RSU1: variants seen among roughly 807,000 people sequenced by gnomAD.
RSU1 encodes the protein Ras suppressor protein 1, also known as rsu-1.
In RSU1, 26 loss-of-function variants were observed where a neutral mutation model predicts 31.1. That is an observed-to-expected ratio of 0.84 (90% CI 0.61 to 1.16). RSU1 has a LOEUF of 1.16. RSU1 is among the 50% of genes most tolerant of loss of function. The pLI is 0.00. For synonymous variants in RSU1, 164 were observed against 136.3 expected (o/e 1.20, Z -1.41); for missense variants, 320 against 339.1 (o/e 0.94, Z 0.44).
At chr10:16,660,645 CTTTTTT>C (rs796601054) in intron 8 of RSU1, among the ~76,000 whole-genome samples, 1 of 79,546 alleles carries the variant, frequency 1.3e-5, no homozygotes, top group Admixed American at 1.8e-4. Flanking sequence ...CTTGAACTCT[CTTTTTT>C]TTTTTTTTTT....
intron 8 of RSU1, among the ~76,000 whole-genome samples, chr10:16,595,810 A>AAAAAAAAAAAAAAAAAG (rs1201244921): frequency 2.6e-5 from 4 of 151,902 alleles, no homozygotes; most frequent in African/African-American, 7.3e-5. Context: ...CTACTAAAAA[A>AAAAAAAAAAAAAAAAAG]AAGAAAAAAT....
chr10:16,631,118 C>G lies in RSU1; in HGVS notation c.732-37622G>C, dbSNP rs936358047. On this transcript the variant is annotated intron_variant, in intron 8 of 8. Coordinates refer to ENST00000345264, the MANE Select transcript of RSU1 (RefSeq NM_012425.4). ...GTTCCAGGGTCCCTAAGGTTCCAATCGTAATCAGCATCCAACTGTCTGCTA... is the reference window on the plus strand; with the variant it reads ...GTTCCAGGGTCCCTAAGGTTCCAATGGTAATCAGCATCCAACTGTCTGCTA... 2.0e-5 allele frequency among the ~76,000 whole-genome samples: 3 copies of G among 152,176 alleles called. No homozygotes were observed. The South Asian group carries it at 6.2e-4, about 32-fold the overall frequency.
chr10:16,734,170 T>C (rs1836578244), intron 7 of RSU1, among the ~76,000 whole-genome samples: 1 of 152,342 alleles, frequency 6.6e-6, no homozygotes. Flanking sequence ...TTGCAGCACA[T>C]CACCTTTTAA....
At chr10:16,670,932 T>C (rs1835094224) in intron 8 of RSU1, among the ~76,000 whole-genome samples, 1 of 151,924 alleles carries the variant, frequency 6.6e-6, no homozygotes, top group Non-Finnish European at 1.5e-5. Flanking sequence ...GCCCGGCTAA[T>C]TTTTTGTATT....
In RSU1 at chr10:16,690,525, G is replaced by A. The variant is rs533777072; in HGVS notation, c.731+4498C>T. ...CCATCCTACCAGCCACACCCCTCCT[G>A]CTTAATGGAACAAGTTCCCATCTTC... is the stretch of plus-strand genomic sequence containing the variant. On this transcript the variant is annotated intron_variant, in intron 8 of 8. Transcript: ENST00000345264. Among the ~76,000 whole-genome samples the A allele has an allele frequency of 9.9e-5, 15 of 152,200 alleles. 1 individual carries two copies. In the South Asian group the frequency reaches 2.5e-3, roughly 25 times the overall value.
At chr10:16,691,719 C>CTGCTTTTT in intron 8 of RSU1, among the ~76,000 whole-genome samples, 1 of 109,080 alleles carries the variant, frequency 9.2e-6, no homozygotes. Flanking sequence ...GAAGCTGCTG[C>CTGCTTTTT]TTCTTTTTTT....
At position 16,630,914 on chromosome 10, in the gene RSU1, A is replaced by G. The variant is rs71493262; in HGVS notation, c.732-37418T>C. ...TCTAACAGAAAGTAGCAACTAATTA[A>G]CCACTTCTCTAAACCTTCTCACTGC... On this transcript the variant is annotated intron_variant, in intron 8 of 8. Coordinates refer to ENST00000345264, the MANE Select transcript of RSU1 (RefSeq NM_012425.4). Among the ~76,000 whole-genome samples, 7 of 152,354 alleles carry G rather than the reference A, an allele frequency of 4.6e-5. No individual in the cohort carries two copies. The East Asian group carries it at 1.2e-3, about 25-fold the overall frequency.
chr10:16,610,340 T>A (rs1303768960), intron 8 of RSU1, among the ~76,000 whole-genome samples: 1 of 152,148 alleles, frequency 6.6e-6, no homozygotes, highest in Non-Finnish European at 1.5e-5. Flanking sequence ...ATGAAAGACA[T>A]TTTAAAGGCT....
At chr10:16,708,450 G>T (rs1835949444) in intron 7 of RSU1, among the ~76,000 whole-genome samples, 1 of 152,126 alleles carries the variant, frequency 6.6e-6, no homozygotes, top group East Asian at 1.9e-4. Flanking sequence ...ACATAAAAGT[G>T]AGCCTGCACA....
At chr10:16,797,898 G>C (rs1838075525) in intron 2 of RSU1, among the ~76,000 whole-genome samples, 1 of 116,538 alleles carries the variant, frequency 8.6e-6, no homozygotes, top group African/African-American at 3.4e-5. Context: ...ATCTCTCTCT[G>C]TTGCCCAGAC....
intron 7 of RSU1, among the ~76,000 whole-genome samples, chr10:16,712,414 T>A (rs1173593173): frequency 6.6e-6 from 1 of 152,136 alleles, no homozygotes; most frequent in African/African-American, 2.4e-5. Context: ...CTTTTACTCA[T>A]GTTATTTTCC....
intron 2 of RSU1, among the ~76,000 whole-genome samples, chr10:16,801,441 T>C (rs1444218169): frequency 6.6e-6 from 1 of 152,198 alleles, no homozygotes; most frequent in Non-Finnish European, 1.5e-5. Context: ...GCTATTATAC[T>C]TGGAGACGTC....
intron 8 of RSU1, among the ~76,000 whole-genome samples, chr10:16,682,212 C>T (rs1052393959): frequency 2.7e-4 from 41 of 152,154 alleles, no homozygotes; most frequent in African/African-American, 9.9e-4. Context: ...GCAAAACCCT[C>T]AGAGGCGTTC....
chr10:16,766,709 C>G (rs1837321546), intron 3 of RSU1, among the ~76,000 whole-genome samples: 2 of 151,352 alleles, frequency 1.3e-5, no homozygotes, highest in South Asian at 4.2e-4. Flanking sequence ...GAGTACAACT[C>G]TATCTCGAGA....
intron 3 of RSU1, among the ~76,000 whole-genome samples, chr10:16,772,661 A>AAAAAAAC (rs1837446034): frequency 7.0e-6 from 1 of 143,780 alleles, no homozygotes; most frequent in African/African-American, 2.6e-5. Flanking sequence ...AAAAAAAAAA[A>AAAAAAAC]CAAGAAAAAA....
chr10:16,676,389 C>A (rs915416817), intron 8 of RSU1, among the ~76,000 whole-genome samples: 1 of 152,104 alleles, frequency 6.6e-6, no homozygotes, highest in Non-Finnish European at 1.5e-5. Flanking sequence ...TTTATAAAAC[C>A]ATCAGATCTC....
rs1045729891 is a variant in RSU1, at chr10:16,606,101, C to T, written c.732-12605G>A. On this transcript the variant is annotated intron_variant, in intron 8 of 8. Coordinates refer to ENST00000345264, the MANE Select transcript of RSU1 (RefSeq NM_012425.4). ...CAGGCACTCAGTAAAGGTGCTGCAG[C>T]GCCACTTCGTGAGGCCTTCTGGGAG... Among the ~76,000 whole-genome samples the T allele has an allele frequency of 3.3e-5, 5 of 152,130 alleles. 1 individual carries two copies. The highest frequency in any genetic ancestry group is 1.3e-4 in the Admixed American group (2 of 15,274).
intron 7 of RSU1, among the ~76,000 whole-genome samples, chr10:16,730,076 G>T (rs1046279521): frequency 2.0e-5 from 3 of 152,214 alleles, no homozygotes; most frequent in Non-Finnish European, 2.9e-5. Flanking sequence ...GGCAGAAGGG[G>T]AAGGGGAGCT....
Position 16,752,533 on chromosome 10 carries a change from C to T in RSU1, c.598+6G>A, listed in dbSNP as rs1182321662. On this transcript the variant is annotated splice_donor_region_variant and intron_variant, in intron 7 of 8. Coordinates refer to ENST00000345264, the MANE Select transcript of RSU1 (RefSeq NM_012425.4). ...CAGAACTAAGTTCATTCATCAGCAA[C>T]CTTACCTAGTTCTGGGGGCAGAACG... 2 of 1,604,628 alleles carry T rather than the reference C, an allele frequency of 1.2e-6. No homozygotes were observed. Among genetic ancestry groups the T allele is most frequent in the Non-Finnish European group, 1.7e-6 (2 of 1,171,362 alleles).
Sources: gnomAD v4.1 joint callset for allele counts (sites outside exome capture counted in the v4.1 genomes callset) on GRCh38, gnomAD v4.1.1 for gene constraint, MANE v1.5 for transcripts, NCBI Gene and HGNC (gene_info 2026-07-23, HGNC 2026-07-21) for gene names.